Variants in JMJD1C observed in about 807,000 individuals in gnomAD.
JMJD1C encodes the protein jumonji domain containing 1C.
A neutral mutation model predicts 245.3 loss-of-function variants in JMJD1C; 31 were observed. The observed-to-expected ratio is 0.13, with a 90% CI of 0.09 to 0.17. The LOEUF is 0.17. JMJD1C is among the 10% of genes least tolerant of loss of function. The pLI, the probability that JMJD1C is intolerant of heterozygous loss-of-function variation, is 1.00. For missense variants in JMJD1C, 2,691 were observed against 3,000.2 expected (o/e 0.90, Z 2.41); for synonymous variants, 1,057 against 1,017.4 (o/e 1.04, Z -0.74).
intron 1 of JMJD1C, among the ~76,000 whole-genome samples, chr10:63,462,340 T>G (rs1437492180): frequency 2.0e-5 from 3 of 152,184 alleles, no homozygotes; most frequent in Admixed American, 2.0e-4. Context: ...AACCCCTGGC[T>G]GAAAAAATAA....
rs535143415 is a variant in JMJD1C, at chr10:63,191,093, G to A, written c.6092C>T (p.Thr2031Ile). The A allele has an allele frequency of 3.1e-6, 5 of 1,611,974 alleles. No individual in the cohort carries two copies. In the Admixed American group the frequency reaches 6.7e-5, roughly 22 times the overall value. ...TTCTTCTTTAATTTGGTTTTCAAGGGTAAGTTCTTTGTTTTCTGAAATAGA... is the reference window on the plus strand; with the variant it reads ...TTCTTCTTTAATTTGGTTTTCAAGGATAAGTTCTTTGTTTTCTGAAATAGA... ...REEKKENKEL[T>I]LENQIKEERE... is the part of the protein sequence containing the mutation. Residue 2031 changes from threonine to isoleucine, a missense_variant, in exon 17 of 26, where the codon ACC becomes ATC. By Grantham distance (89) the Thr-to-Ile change is moderately conservative. This residue lies in a region of JMJD1C where 275 missense variants were observed against 285.5 expected (regional missense o/e 0.96). Coordinates refer to ENST00000399262, the MANE Select transcript of JMJD1C (RefSeq NM_032776.3).
At chr10:63,450,820 TTAGA>T (rs1369372419) in intron 1 of JMJD1C, among the ~76,000 whole-genome samples, 2 of 151,928 alleles carry the variant, frequency 1.3e-5, no homozygotes, top group Non-Finnish European at 2.9e-5. Context: ...AGTCAGAAAC[TTAGA>T]TAAGACATTC....
At chr10:63,384,120 ATCCAT>A (rs1947414925) in intron 1 of JMJD1C, among the ~76,000 whole-genome samples, 1 of 152,182 alleles carries the variant, frequency 6.6e-6, no homozygotes. Context: ...ACAATGCCTC[ATCCAT>A]TCAAGTTCAA....
intron 1 of JMJD1C, among the ~76,000 whole-genome samples, chr10:63,401,778 G>A (rs1306029819): frequency 2.6e-5 from 4 of 151,978 alleles, no homozygotes; most frequent in East Asian, 1.9e-4. Context: ...GAAGAAGTGG[G>A]GCGTTCAGGA....
intron 17 of JMJD1C, among the ~76,000 whole-genome samples, 157 bp from the exon 18 acceptor site, chr10:63,189,603 C>T (rs1844521130): frequency 6.6e-6 from 1 of 152,078 alleles, no homozygotes; most frequent in South Asian, 2.1e-4. Context: ...AAAATGCAAA[C>T]CAGAAGTCTG....
intron 2 of JMJD1C, among the ~76,000 whole-genome samples, chr10:63,329,403 T>C (rs756918724): frequency 3.3e-5 from 5 of 149,928 alleles, no homozygotes; most frequent in East Asian, 3.9e-4. Flanking sequence ...ATTTGTGTGA[T>C]AGGATAAGCT....
At chr10:63,465,187 G>A (rs1350812049) in intron 1 of JMJD1C, 2 of 355,782 alleles carry the variant, frequency 5.6e-6, no homozygotes, top group Non-Finnish European at 5.1e-6. Flanking sequence ...CGCCTTTCGG[G>A]GAGGTCTCCG....
At chr10:63,467,985 T>A (rs1473159333), upstream of JMJD1C, among the ~76,000 whole-genome samples, 1 of 152,234 alleles carries the variant, frequency 6.6e-6, no homozygotes, top group African/African-American at 2.4e-5. Flanking sequence ...AGAGTATAGG[T>A]TGCTAGTTGC....
In JMJD1C at chr10:63,215,581, C is replaced by T; in HGVS notation, c.794G>A (p.Arg265His). The T allele has an allele frequency of 6.2e-7, 1 of 1,610,286 alleles. No homozygotes were observed. Among genetic ancestry groups the T allele is most frequent in the Non-Finnish European group, 8.5e-7 (1 of 1,176,778 alleles). ...AACAGCGTTGACGTTTTGATTGGCA[C>T]GAGACCTGCGTCGTGATGTAATGCC... ...NIGITSRRRSRANQNVNAVHS... is the reference protein window; with the variant it reads ...NIGITSRRRSHANQNVNAVHS... Residue 265 changes from arginine (R) to histidine (H), a missense_variant, in exon 6 of 26, where the codon CGT (arginine) becomes CAT (histidine). By Grantham distance (29) the Arg-to-His change is conservative (BLOSUM62 0). Coordinates refer to ENST00000399262, the MANE Select transcript of JMJD1C (RefSeq NM_032776.3).
intron 1 of JMJD1C, chr10:63,465,121 C>T (rs1953110396): frequency 7.3e-6 from 2 of 273,862 alleles, no homozygotes; most frequent in Admixed American, 1.1e-4. Context: ...CGCCTGTCGC[C>T]ATGAGTGGTC....
chr10:63,227,151 A>C (rs915420888), intron 3 of JMJD1C, among the ~76,000 whole-genome samples: 1 of 152,186 alleles, frequency 6.6e-6, no homozygotes, highest in Non-Finnish European at 1.5e-5. Flanking sequence ...TGTACTTTCT[A>C]CTTAATTCGA....
At chr10:63,514,411 T>C (rs1243429297) in intron 1 of JMJD1C, among the ~76,000 whole-genome samples, 7 of 152,158 alleles carry the variant, frequency 4.6e-5, no homozygotes, top group African/African-American at 9.7e-5. Context: ...AAAGAAAATG[T>C]AGTACACACA....
intron 4 of JMJD1C, among the ~76,000 whole-genome samples, chr10:63,218,105 A>G (rs1047880699): frequency 3.3e-5 from 5 of 152,114 alleles, no homozygotes; most frequent in African/African-American, 7.2e-5. Flanking sequence ...CTGTACCTTA[A>G]TAATTTACAA....
At chr10:63,205,879 G>A (rs1337320814) in intron 10 of JMJD1C, among the ~76,000 whole-genome samples, 8 of 151,968 alleles carry the variant, frequency 5.3e-5, no homozygotes, top group Admixed American at 2.0e-4. Flanking sequence ...GCTGGAGTGC[G>A]GTGGTGCAAT....
chr10:63,251,326 A>AT (rs751478813), intron 3 of JMJD1C, among the ~76,000 whole-genome samples: 7 of 152,118 alleles, frequency 4.6e-5, no homozygotes, highest in Non-Finnish European at 1.0e-4. Flanking sequence ...TGTTATTGTG[A>AT]TTTTTTACTA....
chr10:63,461,321 A>G (rs1952783334), intron 1 of JMJD1C, among the ~76,000 whole-genome samples: 1 of 152,190 alleles, frequency 6.6e-6, no homozygotes, highest in Admixed American at 6.5e-5. Context: ...TCATTCATTC[A>G]TACATTCAAC....
intron 2 of JMJD1C, among the ~76,000 whole-genome samples, chr10:63,375,046 T>C (rs1328216960): frequency 6.6e-6 from 1 of 152,190 alleles, no homozygotes; most frequent in African/African-American, 2.4e-5. Context: ...TAACTTCAAA[T>C]ACTATGTTGA....
chr10:63,497,527 G>C (rs1197179695), intron 1 of JMJD1C, among the ~76,000 whole-genome samples: 1 of 152,216 alleles, frequency 6.6e-6, no homozygotes, highest in African/African-American at 2.4e-5. Flanking sequence ...CTAAAAGACA[G>C]TTTCTTTCAG....
At chr10:63,383,999 C>G (rs949760103) in intron 1 of JMJD1C, among the ~76,000 whole-genome samples, 1 of 152,160 alleles carries the variant, frequency 6.6e-6, no homozygotes, top group African/African-American at 2.4e-5. Context: ...AGCTGAACCT[C>G]TTTTGAAACT....
Sources: allele counts gnomAD v4.1 joint callset (sites outside exome capture counted in the v4.1 genomes callset), GRCh38; gene constraint gnomAD v4.1.1; regional missense constraint gnomAD v4.1.1; transcripts MANE v1.5; gene names NCBI Gene and HGNC (gene_info 2026-07-23, HGNC 2026-07-21).